The following SEC14L2 variants were observed in gnomAD, a reference collection of about 807,000 sequenced individuals.
The protein encoded by SEC14L2 is SEC14-like protein 2.
A neutral mutation model predicts 56.9 loss-of-function variants in SEC14L2; 50 were observed. That is an observed-to-expected ratio of 0.88 (90% CI 0.70 to 1.11). SEC14L2 has a LOEUF of 1.11. Ranked by LOEUF, SEC14L2 falls within the 50% of genes most tolerant of loss-of-function variation. SEC14L2 has a pLI of 0.00. For synonymous variants in SEC14L2, 179 were observed against 188.5 expected, an observed-to-expected ratio of 0.95 and a Z score of 0.41; for missense variants, 414 against 500.7, an observed-to-expected ratio of 0.83 and a Z score of 1.65.
intron 5 of SEC14L2, 161 bp from the exon 6 acceptor site, chr22:30,409,026 T>C (rs1368824185): frequency 1.1e-5 from 8 of 729,136 alleles, no homozygotes; most frequent in Non-Finnish European, 2.0e-5. Context: ...TAGACCACAA[T>C]TCTGGCCTGG....
chr22:30,403,892 A>G (rs1934010287), intron 2 of SEC14L2, among the ~76,000 whole-genome samples: 1 of 151,152 alleles, frequency 6.6e-6, no homozygotes, highest in South Asian at 2.1e-4. Context: ...AGTCCCAGCT[A>G]CTCGGGAGGC....
chr22:30,418,155 C>T (rs1835440464), intron 11 of SEC14L2, among the ~76,000 whole-genome samples: 1 of 152,026 alleles, frequency 6.6e-6, no homozygotes, highest in East Asian at 1.9e-4. Flanking sequence ...TGGGTTCAAG[C>T]GACCCTCCTG....
chr22:30,397,055 T>A lies in SEC14L2; in HGVS notation c.-62T>A. On this transcript the variant is annotated 5_prime_UTR_variant, in exon 1 of 12. Coordinates refer to ENST00000615189, the MANE Select transcript of SEC14L2 (RefSeq NM_012429.5). ...GGTGGCGGCGAGGACGAGTCTGTGC[T>A]CCATCAGCTGCCGCACCCGCCGCCT... 7.0e-7 allele frequency: 1 copy of A among 1,430,896 alleles called. No homozygotes were observed. The highest frequency in any genetic ancestry group is 9.6e-7 in the Non-Finnish European group (1 of 1,040,576). 88.6% of individuals were successfully genotyped at this position (1,430,896 alleles called of 1,614,324 possible). A position where few individuals can be genotyped will look rare whatever the true frequency, so the allele number is the denominator to read the frequency against.
intron 1 of SEC14L2, 52 bp downstream of exon 1, chr22:30,397,222 T>A: frequency 1.4e-6 from 2 of 1,382,830 alleles, no homozygotes; most frequent in Non-Finnish European, 9.7e-7. Flanking sequence ...GCCCTCGCCC[T>A]CCTGCGGCAG....
At chr22:30,400,894 CAAAAAAAAAAAAAAAAA>C (rs1185861063) in intron 2 of SEC14L2, among the ~76,000 whole-genome samples, 1 of 48,598 alleles carries the variant, frequency 2.1e-5, no homozygotes, top group Non-Finnish European at 3.2e-5. Flanking sequence ...GACTCCGTCT[CAAAAAAAAAAAAAAAAA>C]AAAAAAAAAA....
intron 2 of SEC14L2, among the ~76,000 whole-genome samples, chr22:30,401,805 TG>T (rs1315735060): frequency 2.6e-5 from 4 of 151,874 alleles, no homozygotes; most frequent in Non-Finnish European, 5.9e-5. Context: ...AGGGTCTTGC[TG>T]GCCTCAAACT....
Position 30,397,075 on chromosome 22 carries a change from C to A in SEC14L2, c.-42C>A. On this transcript the variant is annotated 5_prime_UTR_variant, in exon 1 of 12. Coordinates refer to ENST00000615189, the MANE Select transcript of SEC14L2 (RefSeq NM_012429.5). The stretch of plus-strand genomic sequence containing the variant: ...TGTGCTCCATCAGCTGCCGCACCCG[C>A]CGCCTCCCGCCCCCAAACCCCATCC... 1 of 1,535,516 alleles carries A rather than the reference C, an allele frequency of 6.5e-7. No individual in the cohort carries two copies. The highest frequency in any genetic ancestry group is 8.8e-7 in the Non-Finnish European group (1 of 1,134,970).
At position 30,400,827 on chromosome 22, in the gene SEC14L2, G is replaced by A. The variant is rs560645873; in HGVS notation, c.130+1109G>A. Among the ~76,000 whole-genome samples, 329 of 149,244 alleles carry A rather than the reference G, an allele frequency of 2.2e-3. 2 individuals carry two copies. The highest frequency in any genetic ancestry group is 7.7e-3 in the African/African-American group (311 of 40,550). On this transcript the variant is annotated intron_variant, in intron 2 of 11. Transcript: ENST00000615189. ...GGAGGGTCGCTTGAACCCGGGAGGT[G>A]GAGGTTGCAGTGAGCTGACATTTCG...
chr22:30,400,846 C>G (rs7292432), intron 2 of SEC14L2, among the ~76,000 whole-genome samples: 78,546 of 139,128 alleles, frequency 0.56, 21,866 homozygotes, highest in South Asian at 0.79. Context: ...AGTGAGCTGA[C>G]ATTTCGCCAC....
At position 30,416,037 on chromosome 22, in the gene SEC14L2, C is replaced by T. The variant is rs1934380954; in HGVS notation, c.861C>T (p.Gly287=). ...AACACAGCGTGCAGATTTCCCGTGG[C>T]TCCTCCCACCAAGTGGAGTATGAGA... ...QYEHSVQISR[G]SSHQVEYEIL... is the part of the protein sequence containing the mutation. The change falls in exon 10 of 12, where the codon GGC becomes GGT. Residue 287 remains glycine, a synonymous_variant. Transcript: ENST00000615189. 1 of 1,614,252 alleles carries T rather than the reference C, an allele frequency of 6.2e-7. No individual in the cohort carries two copies. The highest frequency in any genetic ancestry group is 1.3e-5 in the African/African-American group (1 of 75,058).
At chr22:30,403,731 C>T (rs2283868) in intron 2 of SEC14L2, among the ~76,000 whole-genome samples, 49,588 of 152,010 alleles carry the variant, frequency 0.33, 8,254 homozygotes, top group South Asian at 0.39. Flanking sequence ...TGGCTGGGCG[C>T]GGTGGCTCAC....
intron 1 of SEC14L2, among the ~76,000 whole-genome samples, chr22:30,398,064 T>C (rs1933809059): frequency 6.6e-6 from 1 of 151,992 alleles, no homozygotes; most frequent in African/African-American, 2.4e-5. Flanking sequence ...TTTCCATGGC[T>C]GGGAAAGGTG....
chr22:30,413,972 G>A (rs1302896272), intron 8 of SEC14L2, among the ~76,000 whole-genome samples: 3 of 152,046 alleles, frequency 2.0e-5, no homozygotes, highest in African/African-American at 7.2e-5. Flanking sequence ...CTGAGCAGCT[G>A]GGACTACAGC....
intron 7 of SEC14L2, 60 bp from the exon 8 acceptor site, chr22:30,410,536 C>G: frequency 6.7e-7 from 1 of 1,490,674 alleles, no homozygotes; most frequent in Non-Finnish European, 9.4e-7. Context: ...CTGCAGAGGA[C>G]GCTGTTAGGG....
chr22:30,407,154 G>A lies in SEC14L2; in HGVS notation c.234G>A (p.Glu78=). 1.2e-6 allele frequency: 2 copies of A among 1,613,992 alleles called. No individual in the cohort carries two copies. Among genetic ancestry groups the A allele is most frequent in the Middle Eastern group, 1.6e-4 (1 of 6,062 alleles). Residue 78 remains glutamate, a splice_region_variant and synonymous_variant, in exon 4 of 12, where the codon GAG becomes GAA. Transcript: ENST00000615189. ...ACATCATTAGCTGGCAGCCTCCAGA[G>A]GTGAGCACAAATTATCCCACCTCAT... ...IDNIISWQPP[E]VIQQYLSGGM... is the part of the protein sequence containing the mutation.
intron 1 of SEC14L2, chr22:30,397,531 C>T: frequency 3.2e-6 from 1 of 315,202 alleles, no homozygotes; most frequent in Non-Finnish European, 5.9e-6. Context: ...GCCCAAGTTT[C>T]CTCCCATTTC....
At chr22:30,400,883 AGAC>A (rs1050794153) in intron 2 of SEC14L2, among the ~76,000 whole-genome samples, 1 of 100,912 alleles carries the variant, frequency 9.9e-6, no homozygotes, top group Non-Finnish European at 1.8e-5. Flanking sequence ...TGACAGAGGG[AGAC>A]TCCGTCTCAA....
At chr22:30,400,265 G>A (rs1933888735) in intron 2 of SEC14L2, 1 of 152,930 alleles carries the variant, frequency 6.5e-6, no homozygotes, top group African/African-American at 2.4e-5. Flanking sequence ...CCAGGCTCTA[G>A]AGCCCAGGTC....
chr22:30,403,959 C>T (rs1015969157), intron 2 of SEC14L2, among the ~76,000 whole-genome samples: 5 of 133,580 alleles, frequency 3.7e-5, no homozygotes, highest in African/African-American at 8.4e-5. Context: ...GCTGAGATTG[C>T]GCCACTGCAG....
Sources: gnomAD v4.1 joint callset for allele counts (sites outside exome capture counted in the v4.1 genomes callset) on GRCh38, gnomAD v4.1.1 for gene constraint, MANE v1.5 for transcripts, NCBI Gene and HGNC (gene_info 2026-07-23, HGNC 2026-07-21) for gene names.